The following EYS variants were observed in gnomAD, a reference collection of about 807,000 sequenced individuals.
The protein encoded by EYS is EGF-like photoreceptor maintenance factor, also known as protein eyes shut homolog.
A neutral mutation model predicts 282.1 loss-of-function variants in EYS; 250 were observed. The ratio of observed to expected loss-of-function variants is 0.89; its 90% CI spans 0.80 to 0.98. The LOEUF is 0.98. Ranked by LOEUF, EYS falls within the 50% of genes least tolerant of loss-of-function variation. The probability of loss-of-function intolerance (pLI) is 0.00; values close to 1 mark genes in which losing one functional copy is unlikely to be tolerated. For synonymous variants in EYS, 1,355 were observed against 1,282.9 expected, an observed-to-expected ratio of 1.06 and a Z score of -1.20; for missense variants, 4,016 against 3,709.0, an observed-to-expected ratio of 1.08 and a Z score of -2.15.
chr6:65,702,557 T>C (rs1032866997), intron 1 of EYS, among the ~76,000 whole-genome samples: 2 of 152,134 alleles, frequency 1.3e-5, no homozygotes, highest in African/African-American at 4.8e-5. Context: ...CCAGGCGTGG[T>C]AGCACTTGCC....
intron 36 of EYS, among the ~76,000 whole-genome samples, chr6:63,842,007 T>C (rs533595218): frequency 5.3e-5 from 8 of 152,340 alleles, no homozygotes; most frequent in South Asian, 2.1e-4. Flanking sequence ...CAGTCTATCA[T>C]TGATGGGCAT....
At position 64,313,962 on chromosome 6, in the gene EYS, A is replaced by T. The variant is rs1769830806; in HGVS notation, c.6079-6880T>A. Among the ~76,000 whole-genome samples the T allele has an allele frequency of 2.0e-5, 3 of 152,210 alleles. No individual in the cohort carries two copies. The South Asian group carries it at 6.2e-4, about 32-fold the overall frequency. ...CGCTATGAAGAAACTGCATCAACTA[A>T]TGGGCAAAATAACCAGCAAGAATCA... On this transcript the variant is annotated intron_variant, in intron 29 of 42. Transcript: ENST00000503581.
At chr6:65,166,146 G>A (rs1013332414) in intron 12 of EYS, among the ~76,000 whole-genome samples, 1 of 151,032 alleles carries the variant, frequency 6.6e-6, no homozygotes, top group African/African-American at 2.4e-5. Context: ...TCATTATTAA[G>A]GTGGCAAAAA....
chr6:64,466,278 T>C (rs972361705), intron 26 of EYS, among the ~76,000 whole-genome samples: 1 of 152,062 alleles, frequency 6.6e-6, no homozygotes, highest in African/African-American at 2.4e-5. Context: ...GAAATGAGTA[T>C]GTCAAAAAAG....
At chr6:65,509,032 G>A (rs981026595) in intron 2 of EYS, among the ~76,000 whole-genome samples, 1 of 152,162 alleles carries the variant, frequency 6.6e-6, no homozygotes, top group Non-Finnish European at 1.5e-5. Flanking sequence ...TACATAAAGT[G>A]TATTTTGTTA....
At chr6:64,631,398 C>T (rs1047842546) in intron 22 of EYS, 3 of 152,136 alleles carry the variant, frequency 2.0e-5, no homozygotes, top group Admixed American at 1.3e-4. Context: ...AACCACCTGG[C>T]CTAGATACTT....
At chr6:64,681,926 TATC>T (rs1169155302) in intron 22 of EYS, among the ~76,000 whole-genome samples, 1 of 152,142 alleles carries the variant, frequency 6.6e-6, no homozygotes, top group East Asian at 1.9e-4. Context: ...AACATTTGCT[TATC>T]ATCCTTGTGA....
chr6:65,588,402 G>T (rs964403760), intron 2 of EYS, among the ~76,000 whole-genome samples: 5 of 149,688 alleles, frequency 3.3e-5, no homozygotes, highest in Non-Finnish European at 7.5e-5. Flanking sequence ...CATGTGGCGG[G>T]GGGAGTATCT....
intron 2 of EYS, among the ~76,000 whole-genome samples, chr6:65,572,627 G>C (rs1324219253): frequency 1.3e-5 from 2 of 152,112 alleles, no homozygotes; most frequent in South Asian, 2.1e-4. Context: ...ATGGTGATCA[G>C]AGCAACAGGC....
chr6:64,368,812 C>T (rs979461587), intron 29 of EYS, among the ~76,000 whole-genome samples: 2 of 151,916 alleles, frequency 1.3e-5, no homozygotes, highest in African/African-American at 4.8e-5. Context: ...TAGACCTTTG[C>T]TGTATGCATA....
rs141212337 is a variant in EYS, at chr6:64,071,414, T to C, written c.6572-4923A>G. 3.8e-3 allele frequency among the ~76,000 whole-genome samples: 570 copies of C among 151,962 alleles called. 3 individuals carry two copies. The highest frequency in any genetic ancestry group is 0.013 in the African/African-American group (527 of 41,504). On this transcript the variant is annotated intron_variant, in intron 32 of 42. Transcript: ENST00000503581. ...ACCCCATGGGGAGACTATTTTTTTA[T>C]CTACTTGTAAATTTACTTCAGAATT...
At chr6:65,597,075 C>A (rs889444319) in intron 2 of EYS, among the ~76,000 whole-genome samples, 2 of 151,930 alleles carry the variant, frequency 1.3e-5, no homozygotes, top group African/African-American at 4.8e-5. Flanking sequence ...TATTAGAGAC[C>A]ACTGCATCCC....
intron 28 of EYS, among the ~76,000 whole-genome samples, chr6:64,390,999 C>A (rs183538931): frequency 4.7e-4 from 72 of 151,882 alleles, no homozygotes; most frequent in African/African-American, 1.3e-3. Flanking sequence ...GGAGCCGATG[C>A]GAATCAACTG....
chr6:63,780,761 C>G (rs1042316758), intron 39 of EYS, among the ~76,000 whole-genome samples: 1 of 152,202 alleles, frequency 6.6e-6, no homozygotes, highest in Admixed American at 6.5e-5. Context: ...AATTAGATCC[C>G]ATTTGTCAAT....
At chr6:64,451,134 G>A (rs1186337082) in intron 26 of EYS, among the ~76,000 whole-genome samples, 2 of 152,024 alleles carry the variant, frequency 1.3e-5, no homozygotes, top group Non-Finnish European at 2.9e-5. Flanking sequence ...GAAGAAAAGA[G>A]AGAAGAATCA....
At position 64,590,890 on chromosome 6, in the gene EYS, T is replaced by C. The variant is rs1357890818; in HGVS notation, c.4977A>G (p.Leu1659=). 5 of 1,550,552 alleles carry C rather than the reference T, an allele frequency of 3.2e-6. No individual in the cohort carries two copies. The South Asian group carries it at 5.9e-5, about 18-fold the overall frequency. ...ITLSSNLDVN[L]CLDKTCLSIV... ...TGGATAAACAAGTCTTATCCAAACA[T>C]AAATTAACATCCAAATTACTTGATA... is the stretch of plus-strand genomic sequence containing the variant. Residue 1659 remains leucine (L), a synonymous_variant, in exon 26 of 43, where the codon TTA becomes TTG. Coordinates refer to ENST00000503581, the MANE Select transcript of EYS (RefSeq NM_001142800.2).
At chr6:65,046,227 T>A (rs879129728) in intron 13 of EYS, among the ~76,000 whole-genome samples, 2 of 151,894 alleles carry the variant, frequency 1.3e-5, no homozygotes, top group Non-Finnish European at 1.5e-5. Flanking sequence ...TGAAGACTGA[T>A]GTCAAGAAAT....
At position 64,689,199 on chromosome 6, in the gene EYS, C is replaced by T. The variant is rs571733433; in HGVS notation, c.3444-62954G>A. Among the ~76,000 whole-genome samples, 649 of 152,234 alleles carry T rather than the reference C, an allele frequency of 4.3e-3. 5 individuals are homozygous for T. Among genetic ancestry groups the T allele is most frequent in the African/African-American group, 0.015 (603 of 41,536 alleles). Reference sequence around the variant, plus strand: ...ATAACAGACAAACAGAGAGCCAAATCATGAGTGAACTCCCATTCACAATTG... The same window carrying T: ...ATAACAGACAAACAGAGAGCCAAATTATGAGTGAACTCCCATTCACAATTG... On this transcript the variant is annotated intron_variant, in intron 22 of 42. Coordinates refer to ENST00000503581, the MANE Select transcript of EYS (RefSeq NM_001142800.2).
chr6:65,680,363 TG>T (rs760074421), intron 1 of EYS, among the ~76,000 whole-genome samples: 5 of 151,964 alleles, frequency 3.3e-5, no homozygotes, highest in Non-Finnish European at 1.5e-5. Flanking sequence ...TCATACTATT[TG>T]TTTTCAACCT....
Sources: gnomAD v4.1 joint callset for allele counts (sites outside exome capture counted in the v4.1 genomes callset) on GRCh38, gnomAD v4.1.1 for gene constraint, MANE v1.5 for transcripts, NCBI Gene and HGNC (gene_info 2026-07-23, HGNC 2026-07-21) for gene names.